FGB: variants seen among roughly 807,000 people sequenced by gnomAD.
FGB encodes fibrinogen beta chain, also known as beta-fibrinogen.
FGB carries 25 observed loss-of-function variants against 57.9 expected under a neutral mutation model. The ratio of observed to expected loss-of-function variants is 0.43; its 90% CI spans 0.31 to 0.60. The LOEUF (loss-of-function observed/expected upper bound fraction) is 0.60. Among genes scored for constraint, FGB ranks in the 20% least tolerant of loss-of-function variants. The pLI, the probability that FGB is intolerant of heterozygous loss-of-function variation, is 0.08. For synonymous variants in FGB, 203 were observed against 199.2 expected (o/e 1.02, Z -0.16); for missense variants, 536 against 598.4 (o/e 0.90, Z 1.09).
chr4:154,563,150 T>C lies in FGB; in HGVS notation c.114+18T>C. ...ATGAGGAGGTGAATTTTTTAAAGCA[T>C]TATTATATTATTAGTAGTATTATTA... On this transcript the variant is annotated intron_variant, in intron 1 of 7. Transcript: ENST00000302068. 1 of 974,830 alleles carries C rather than the reference T, an allele frequency of 1.0e-6. No individual in the cohort carries two copies. Among genetic ancestry groups the C allele is most frequent in the Admixed American group, 2.0e-5 (1 of 49,890 alleles). 60.4% of individuals were successfully genotyped at this position (974,830 alleles called of 1,614,324 possible).
rs548663056 is a variant in FGB, at chr4:154,570,491, A to T, written c.1317A>T (p.Ala439=). 8.1e-6 allele frequency: 13 copies of T among 1,614,200 alleles called. No individual in the cohort carries two copies. The African/African-American group carries it at 1.2e-4, about 15-fold the overall frequency. ...GGGWWYNRCH[A]ANPNGRYYWG... ...GATGGTGGTATAATAGATGTCATGC[A>T]GCCAATCCAAACGGCAGATACTACT... Residue 439 remains alanine (A), a synonymous_variant, in exon 8 of 8, where the codon GCA becomes GCT. Coordinates refer to ENST00000302068, the MANE Select transcript of FGB (RefSeq NM_005141.5).
rs1730332561 is a variant in FGB, at chr4:154,569,673, A to G, written c.1118A>G (p.Asn373Ser). Residue 373 changes from asparagine (N) to serine (S), a missense_variant, in exon 7 of 8, where the codon AAC becomes AGC. Coordinates refer to ENST00000302068, the MANE Select transcript of FGB (RefSeq NM_005141.5). ...GCCAACAAATACCAGATCTCAGTGA[A>G]CAAATACAGAGGAACAGCCGGTAAT... ...NEANKYQISV[N>S]KYRGTAGNAL... 1.2e-6 allele frequency: 2 copies of G among 1,614,048 alleles called. No homozygotes were observed. The highest frequency in any genetic ancestry group is 1.3e-5 in the African/African-American group (1 of 74,914).
chr4:154,566,441 C>T, intron 2 of FGB, 48 bp from the exon 3 acceptor site: 1 of 1,552,896 alleles, frequency 6.4e-7, no homozygotes, highest in Non-Finnish European at 8.9e-7. Context: ...AACAAATGTC[C>T]ATGACCCAAA....
rs1223640668 is a variant in FGB at position 154,572,635 on chromosome 4, A to C, written c.*1985A>C. The stretch of plus-strand genomic sequence containing the variant: ...ATTCCTTAGCTTAGACTCTGAACAC[A>C]TATTCTTCTTAGACCATACAGTCAT... On this transcript the variant is annotated 3_prime_UTR_variant, in exon 8 of 8. Coordinates refer to ENST00000302068, the MANE Select transcript of FGB (RefSeq NM_005141.5). Among the ~76,000 whole-genome samples the C allele has an allele frequency of 6.6e-6, 1 of 152,150 alleles. No homozygotes were observed. Among genetic ancestry groups the C allele is most frequent in the Non-Finnish European group, 1.5e-5 (1 of 68,030 alleles).
rs202102031 is a variant in FGB at position 154,570,580 on chromosome 4, A to G, written c.1406A>G (p.Asn469Ser). Residue 469 changes from asparagine (N) to serine (S), a missense_variant, in exon 8 of 8, where the codon AAT (asparagine) becomes AGT (serine). Transcript: ENST00000302068. ...HGTDDGVVWM[N>S]WKGSWYSMRK... is the part of the protein sequence containing the mutation. ...ACAGATGATGGTGTAGTATGGATGA[A>G]TTGGAAGGGGTCATGGTACTCAATG... 2.8e-5 allele frequency: 46 copies of G among 1,614,168 alleles called. No individual in the cohort carries two copies. In the East Asian group the frequency reaches 5.8e-4, roughly 20 times the overall value.
chr4:154,569,349 T>G (rs764104884), intron 6 of FGB, 42 bp downstream of exon 6: 100 of 1,612,756 alleles, frequency 6.2e-5, no homozygotes, highest in Non-Finnish European at 8.4e-5. Context: ...CTATTTGAAA[T>G]GGGATTTTTT....
At position 154,572,438 on chromosome 4, in the gene FGB, A is replaced by G. The variant is rs1176759486; in HGVS notation, c.*1788A>G. Reference sequence around the variant, plus strand: ...GACAGGACCGCTACTATTTGTAAAGAGTATGTAGTTTATATAACATTTCTA... The same window carrying G: ...GACAGGACCGCTACTATTTGTAAAGGGTATGTAGTTTATATAACATTTCTA... On this transcript the variant is annotated 3_prime_UTR_variant, in exon 8 of 8. Coordinates refer to ENST00000302068, the MANE Select transcript of FGB (RefSeq NM_005141.5). Among the ~76,000 whole-genome samples, 1 of 152,164 alleles carries G rather than the reference A, an allele frequency of 6.6e-6. No homozygotes were observed. The highest frequency in any genetic ancestry group is 2.4e-5 in the African/African-American group (1 of 41,436).
intron 1 of FGB, chr4:154,565,561 C>T: frequency 2.0e-6 from 1 of 509,448 alleles, no homozygotes; most frequent in Non-Finnish European, 3.5e-6. Context: ...TAATCTGATA[C>T]AGCTTTATCC....
intron 5 of FGB, among the ~76,000 whole-genome samples, chr4:154,568,719 G>A (rs560586899): frequency 6.9e-6 from 1 of 144,242 alleles, no homozygotes; most frequent in African/African-American, 2.6e-5. Flanking sequence ...AAAAAAATCA[G>A]CTGTGTTGGT....
intron 1 of FGB, among the ~76,000 whole-genome samples, chr4:154,563,778 C>T (rs1236999057): frequency 2.0e-5 from 3 of 151,832 alleles, no homozygotes; most frequent in Non-Finnish European, 4.4e-5. Context: ...TTTTTGCTGA[C>T]TTATTGCTGT....
intron 7 of FGB, 22 bp from the exon 8 acceptor site, chr4:154,570,397 C>G (rs371987505): frequency 1.3e-6 from 2 of 1,586,070 alleles, no homozygotes; most frequent in South Asian, 1.1e-5. Context: ...TTTCTAATAA[C>G]GCCAAACACA....
intron 3 of FGB, 188 bp downstream of exon 3, chr4:154,566,860 T>C (rs764660278): frequency 5.3e-5 from 32 of 603,016 alleles, no homozygotes; most frequent in Non-Finnish European, 8.5e-5. Context: ...CAGTCTGACA[T>C]CAGCAAGTGT....
chr4:154,570,171 A>T (rs997769909), intron 7 of FGB, among the ~76,000 whole-genome samples: 1 of 152,194 alleles, frequency 6.6e-6, no homozygotes, highest in Admixed American at 6.5e-5. Flanking sequence ...AAGGGTTGTA[A>T]AAGCTATTAT....
In FGB at chr4:154,565,494, T is replaced by C. The variant is rs2227403; in HGVS notation, c.115-314T>C. On this transcript the variant is annotated intron_variant, in intron 1 of 7. Transcript: ENST00000302068. ...TCATTCTTCTTGACAGTATAGATTCTTTACAATTTCGTAAGTTCCAATGTA... is the reference window on the plus strand; with the variant it reads ...TCATTCTTCTTGACAGTATAGATTCCTTACAATTTCGTAAGTTCCAATGTA... 0.18 allele frequency: 61,538 copies of C among 348,362 alleles called. 5,915 individuals carry two copies. Among genetic ancestry groups the C allele is most frequent in the Middle Eastern group, 0.23 (247 of 1,080 alleles). 21.6% of individuals were successfully genotyped at this position (348,362 alleles called of 1,614,324 possible).
In FGB at chr4:154,569,727, T is replaced by C. The variant is rs138760475; in HGVS notation, c.1172T>C (p.Met391Thr). 131 of 1,614,110 alleles carry C rather than the reference T, an allele frequency of 8.1e-5. 1 individual carries two copies. The African/African-American group carries it at 1.4e-3, about 17-fold the overall frequency. Residue 391 changes from methionine (M) to threonine (T), a missense_variant, in exon 7 of 8, where the codon ATG (methionine) becomes ACG (threonine). Transcript: ENST00000302068. ...CTCATGGATGGAGCATCTCAGCTGATGGGAGAAAACAGGACCATGACCATT... is the reference window on the plus strand; with the variant it reads ...CTCATGGATGGAGCATCTCAGCTGACGGGAGAAAACAGGACCATGACCATT... ...NALMDGASQLMGENRTMTIHN... is the reference protein window; with the variant it reads ...NALMDGASQLTGENRTMTIHN...
At chr4:154,566,107 T>C in intron 2 of FGB, 108 bp downstream of exon 2, 1 of 944,228 alleles carries the variant, frequency 1.1e-6, no homozygotes. Flanking sequence ...TCACTGTTAT[T>C]TTGTTTGTTT....
chr4:154,570,250 T>C (rs1436453964), intron 7 of FGB, among the ~76,000 whole-genome samples, 169 bp from the exon 8 acceptor site: 1 of 152,220 alleles, frequency 6.6e-6, no homozygotes, highest in African/African-American at 2.4e-5. Context: ...CTCTCTTTCT[T>C]GCTATAGGGC....
At position 154,572,081 on chromosome 4, in the gene FGB, T is replaced by A. The variant is rs1489986737; in HGVS notation, c.*1431T>A. Among the ~76,000 whole-genome samples the A allele has an allele frequency of 6.6e-6, 1 of 152,198 alleles. No homozygotes were observed. The highest frequency in any genetic ancestry group is 1.5e-5 in the Non-Finnish European group (1 of 68,036). On this transcript the variant is annotated 3_prime_UTR_variant, in exon 8 of 8. Transcript: ENST00000302068. ...TTACTTCCTGCTTAACATTAGCTCCTTCCTATCTATATCCAAATTTCTTAA... is the reference window on the plus strand; with the variant it reads ...TTACTTCCTGCTTAACATTAGCTCCATCCTATCTATATCCAAATTTCTTAA...
chr4:154,569,336 A>G, intron 6 of FGB, 29 bp downstream of exon 6: 3 of 1,613,696 alleles, frequency 1.9e-6, no homozygotes, highest in Non-Finnish European at 1.7e-6. Flanking sequence ...AAATAAAATC[A>G]TTCTATTTGA....
Sources: gnomAD v4.1 joint callset for allele counts (sites outside exome capture counted in the v4.1 genomes callset) on GRCh38, gnomAD v4.1.1 for gene constraint, MANE v1.5 for transcripts, NCBI Gene and HGNC (gene_info 2026-07-23, HGNC 2026-07-21) for gene names.